The following SORL1 variants were observed in gnomAD, a reference collection of about 807,000 sequenced individuals.
The protein encoded by SORL1 is sortilin-related receptor.
A neutral mutation model predicts 273.7 loss-of-function variants in SORL1; 127 were observed. That is an observed-to-expected ratio of 0.46 (90% confidence interval 0.40 to 0.54). The LOEUF (loss-of-function observed/expected upper bound fraction) is 0.54. Ranked by LOEUF, SORL1 falls within the 20% of genes least tolerant of loss-of-function variation. The probability of loss-of-function intolerance (pLI) is 0.00; values close to 1 mark genes in which losing one functional copy is unlikely to be tolerated. For missense variants in SORL1, 2,494 were observed against 2,846.1 expected (o/e 0.88, Z 2.81); for synonymous variants, 1,031 against 1,067.4 (o/e 0.97, Z 0.66).
chr11:121,587,663 A>G (rs555992622), intron 27 of SORL1, among the ~76,000 whole-genome samples: 1 of 152,170 alleles, frequency 6.6e-6, no homozygotes, highest in African/African-American at 2.4e-5. Context: ...GAGAGTCAGT[A>G]TCTATTAATC....
intron 1 of SORL1, among the ~76,000 whole-genome samples, chr11:121,458,441 A>G (rs1444222680): frequency 6.6e-6 from 1 of 152,222 alleles, no homozygotes. Context: ...AATAAATGTG[A>G]TGGAAAGTAA....
In SORL1 at chr11:121,631,169, A is replaced by G. The variant is rs1015252548; in HGVS notation, c.*1606A>G. The G allele has an allele frequency of 6.6e-6, 1 of 152,218 alleles. No homozygotes were observed. The highest frequency in any genetic ancestry group is 6.5e-5 in the Admixed American group (1 of 15,286). The allele number at this position is 152,218 out of a possible 1,614,324, so 9.4% of individuals were successfully genotyped here. ...TAATATAGTTTCATTCTACTTAGGG[A>G]TTGTTTAGAAAACAAAGAAAGAGCC... On this transcript the variant is annotated 3_prime_UTR_variant, in exon 48 of 48. Transcript: ENST00000260197.
intron 8 of SORL1, among the ~76,000 whole-genome samples, chr11:121,516,006 T>C (rs1861943998): frequency 6.6e-6 from 1 of 152,246 alleles, no homozygotes; most frequent in Admixed American, 6.5e-5. Flanking sequence ...ATGATCTGAT[T>C]TAACCTTTCA....
At chr11:121,580,699 G>T (rs1325672372) in intron 25 of SORL1, among the ~76,000 whole-genome samples, 4 of 150,136 alleles carry the variant, frequency 2.7e-5, no homozygotes, top group African/African-American at 7.4e-5. Flanking sequence ...TGACCTCCTG[G>T]GCTCAATCCA....
chr11:121,486,964 A>G (rs1861483117), intron 3 of SORL1, among the ~76,000 whole-genome samples: 1 of 152,164 alleles, frequency 6.6e-6, no homozygotes, highest in African/African-American at 2.4e-5. Flanking sequence ...CTTGTCTCAA[A>G]TAAACAAGAC....
At chr11:121,555,367 C>T (rs1207234121) in intron 18 of SORL1, 49 bp downstream of exon 18, 1 of 1,602,892 alleles carries the variant, frequency 6.2e-7, no homozygotes, top group Admixed American at 1.7e-5. Flanking sequence ...GGCGGGGCAC[C>T]TGGGCTTTGA....
intron 26 of SORL1, 55 bp from the exon 27 acceptor site, chr11:121,586,167 A>T: frequency 7.1e-7 from 1 of 1,410,908 alleles, no homozygotes; most frequent in East Asian, 2.3e-5. Flanking sequence ...ACTGTGTGTG[A>T]GTGCCTGCCT....
chr11:121,526,005 G>A (rs1183225167), intron 11 of SORL1, among the ~76,000 whole-genome samples: 8 of 152,128 alleles, frequency 5.3e-5, no homozygotes, highest in African/African-American at 1.7e-4. Context: ...TCCAGCCTGG[G>A]CAATGGAATC....
At chr11:121,612,598 TA>T (rs1455362004) in intron 39 of SORL1, 137 bp from the exon 40 acceptor site, 2 of 624,594 alleles carry the variant, frequency 3.2e-6, no homozygotes, top group Non-Finnish European at 5.6e-6. Flanking sequence ...TTAAAATTTT[TA>T]AAAAACAACC....
Position 121,588,053 on chromosome 11 carries a change from G to T in SORL1, c.3848G>T (p.Cys1283Phe). 6.2e-7 allele frequency: 1 copy of T among 1,613,786 alleles called. No homozygotes were observed. Among genetic ancestry groups the T allele is most frequent in the Non-Finnish European group, 8.5e-7 (1 of 1,179,812 alleles). Reference sequence around the variant, plus strand: ...TGTACGCACTTCATGGACTTTGTGTGTAAGAACCGCCAGCAGTGCCTGTTC... The same window carrying T: ...TGTACGCACTTCATGGACTTTGTGTTTAAGAACCGCCAGCAGTGCCTGTTC... ...PLCTHFMDFV[C>F]KNRQQCLFHS... The change falls in exon 28 of 48, where the codon TGT becomes TTT. Residue 1283 changes from cysteine (C) to phenylalanine (F), a missense_variant. Around this residue, in one of 3 missense-constraint regions of SORL1, gnomAD observed 1,609 missense variants for 1,816.4 expected, o/e 0.89. Coordinates refer to ENST00000260197, the MANE Select transcript of SORL1 (RefSeq NM_003105.6).
chr11:121,483,352 C>G (rs557096056), intron 3 of SORL1, among the ~76,000 whole-genome samples: 1 of 152,304 alleles, frequency 6.6e-6, no homozygotes, highest in Admixed American at 6.5e-5. Flanking sequence ...GAGGTTGGTC[C>G]TAGGTAAAAT....
At position 121,586,218 on chromosome 11, in the gene SORL1, T is replaced by A; in HGVS notation, c.3707-4T>A. 1 of 1,605,136 alleles carries A rather than the reference T, an allele frequency of 6.2e-7. No homozygotes were observed. Among genetic ancestry groups the A allele is most frequent in the Non-Finnish European group, 8.5e-7 (1 of 1,171,850 alleles). On this transcript the variant is annotated splice_polypyrimidine_tract_variant and splice_region_variant and intron_variant, in intron 26 of 47. Coordinates refer to ENST00000260197, the MANE Select transcript of SORL1 (RefSeq NM_003105.6). ...TTCTTCTGTGTTGTTGAATTCTATT[T>A]CAGAGAAGAAGTGCAATGGATTCCG...
intron 11 of SORL1, among the ~76,000 whole-genome samples, chr11:121,525,890 T>C (rs1862113983): frequency 6.6e-6 from 1 of 152,084 alleles, no homozygotes; most frequent in Non-Finnish European, 1.5e-5. Flanking sequence ...TAGCCAGGCA[T>C]GGTGGTGCAT....
At chr11:121,574,441 G>A (rs1437747610) in intron 24 of SORL1, 78 bp downstream of exon 24, 3 of 1,366,448 alleles carry the variant, frequency 2.2e-6, no homozygotes, top group Non-Finnish European at 3.1e-6. Flanking sequence ...GTACTGGTAT[G>A]TACTGGTTTT....
chr11:121,538,540 A>G (rs1167261165), intron 12 of SORL1, among the ~76,000 whole-genome samples: 1 of 152,096 alleles, frequency 6.6e-6, no homozygotes, highest in Non-Finnish European at 1.5e-5. Flanking sequence ...CTTCTTTCTT[A>G]TGGATCTTAT....
intron 23 of SORL1, among the ~76,000 whole-genome samples, chr11:121,572,175 C>T (rs1862853754): frequency 6.6e-6 from 1 of 152,190 alleles, no homozygotes. Context: ...TCCTTGTGCC[C>T]TTGGGCTTGG....
intron 21 of SORL1, among the ~76,000 whole-genome samples, chr11:121,561,631 G>C (rs949212449): frequency 7.1e-6 from 1 of 141,454 alleles, no homozygotes; most frequent in African/African-American, 2.6e-5. Context: ...TGAGGCTGCA[G>C]TTAGCCAAGG....
chr11:121,462,253 C>T (rs568985762), intron 1 of SORL1, among the ~76,000 whole-genome samples: 1 of 152,168 alleles, frequency 6.6e-6, no homozygotes, highest in African/African-American at 2.4e-5. Flanking sequence ...ATTCCACTTT[C>T]TCCTGGCCAC....
chr11:121,591,209 C>G (rs200409601), intron 31 of SORL1, 53 bp downstream of exon 31: 1 of 1,590,156 alleles, frequency 6.3e-7, no homozygotes, highest in African/African-American at 1.3e-5. Flanking sequence ...TGGAGAGGAC[C>G]TTCTGGGGGT....
Sources: allele counts gnomAD v4.1 joint callset (sites outside exome capture counted in the v4.1 genomes callset), GRCh38; gene constraint gnomAD v4.1.1; regional missense constraint gnomAD v4.1.1; transcripts MANE v1.5; gene names NCBI Gene and HGNC (gene_info 2026-07-23, HGNC 2026-07-21).